OPRPN: variants seen among roughly 807,000 people sequenced by gnomAD.
The protein encoded by OPRPN is opiorphin prepropeptide.
OPRPN carries 1 observed loss-of-function variant against 2.2 expected under a neutral mutation model. The observed-to-expected ratio is 0.45, with a 90% confidence interval of 0.16 to 2.15. The LOEUF is 2.15. Ranked by LOEUF, OPRPN falls within the 30% of genes most tolerant of loss-of-function variation. OPRPN has a pLI of 0.28. For synonymous variants in OPRPN, 126 were observed against 111.5 expected (o/e 1.13, Z -0.82); for missense variants, 306 against 297.3 (o/e 1.03, Z -0.21).
chr4:70,401,131 A>G (rs1732976820), intron 2 of OPRPN, among the ~76,000 whole-genome samples: 1 of 152,078 alleles, frequency 6.6e-6, no homozygotes, highest in Non-Finnish European at 1.5e-5. Flanking sequence ...TGCAAGACAA[A>G]TGTAACTTAA....
At chr4:70,406,680 C>A (rs1189861328) in intron 2 of OPRPN, among the ~76,000 whole-genome samples, 1 of 152,074 alleles carries the variant, frequency 6.6e-6, no homozygotes, top group African/African-American at 2.4e-5. Context: ...GTTGAAAGAA[C>A]TAGTACTAGT....
intron 2 of OPRPN, among the ~76,000 whole-genome samples, chr4:70,405,005 G>T (rs1577883530): frequency 6.6e-6 from 1 of 152,138 alleles, no homozygotes; most frequent in Non-Finnish European, 1.5e-5. Context: ...TACCACTTAT[G>T]GAGTGTTTAA....
chr4:70,409,840 C>T lies in OPRPN; in HGVS notation c.512C>T (p.Pro171Leu), dbSNP rs1369112416. The change falls in exon 3 of 3, where the codon CCC becomes CTC. Residue 171 changes from proline (P) to leucine (L), a missense_variant. Coordinates refer to ENST00000399575, the MANE Select transcript of OPRPN (RefSeq NM_021225.5). Reference protein sequence around the residue: ...ATATTSTSTKPTMTISSSTVP... With the variant: ...ATATTSTSTKLTMTISSSTVP... ...GCAACCACCAGCACTTCCACAAAAC[C>T]CACAATGACGATCAGCTCCTCAACA... 2 of 1,612,636 alleles carry T rather than the reference C, an allele frequency of 1.2e-6. No homozygotes were observed. Among genetic ancestry groups the T allele is most frequent in the Non-Finnish European group, 1.7e-6 (2 of 1,179,252 alleles).
intron 2 of OPRPN, among the ~76,000 whole-genome samples, chr4:70,407,960 G>A (rs981054134): frequency 2.6e-5 from 4 of 152,004 alleles, no homozygotes; most frequent in Non-Finnish European, 5.9e-5. Flanking sequence ...TGGGTGTAGA[G>A]GGGAGCAAGA....
At chr4:70,408,859 T>C (rs1246436469) in intron 2 of OPRPN, among the ~76,000 whole-genome samples, 1 of 152,220 alleles carries the variant, frequency 6.6e-6, no homozygotes, top group African/African-American at 2.4e-5. Context: ...GGTTATATCT[T>C]CCACTGATTT....
chr4:70,398,347 G>T (rs572873252), intron 1 of OPRPN, among the ~76,000 whole-genome samples: 1 of 151,956 alleles, frequency 6.6e-6, no homozygotes, highest in South Asian at 2.1e-4. Flanking sequence ...TCTTAAAAAG[G>T]TATATTAAGT....
In OPRPN at chr4:70,399,335, C is replaced by T. The variant is rs767989847; in HGVS notation, c.50C>T (p.Thr17Ile). ...LGLLALISCF[T>I]PSESQRFSRR... ...CTGTTGGCTCTTATTTCATGTTTCA[C>T]AGTAAGTTCCCTCAATTCTAAATTT... Residue 17 changes from threonine (T) to isoleucine (I), a missense_variant and splice_region_variant, in exon 2 of 3, where the codon ACA becomes ATA. Physicochemically the swap from Thr to Ile is moderately conservative, Grantham distance 89 (BLOSUM62 -1). Coordinates refer to ENST00000399575, the MANE Select transcript of OPRPN (RefSeq NM_021225.5). The T allele has an allele frequency of 6.3e-7, 1 of 1,585,638 alleles. No homozygotes were observed. The highest frequency in any genetic ancestry group is 8.6e-7 in the Non-Finnish European group (1 of 1,156,428).
In OPRPN at chr4:70,409,152, TA is replaced by T. The variant is rs570914041; in HGVS notation, c.52-226del. On this transcript the variant is annotated intron_variant, in intron 2 of 2. Transcript: ENST00000399575. ...ACCACTTTTTTGGTTTTTTCTCATTTAATACTATTCTACTTTTCTTTGATTG... is the reference window on the plus strand; with the variant it reads ...ACCACTTTTTTGGTTTTTTCTCATTTATACTATTCTACTTTTCTTTGATTG... 4.5e-3 allele frequency among the ~76,000 whole-genome samples: 686 copies of T among 152,318 alleles called. 7 individuals are homozygous for T. Among genetic ancestry groups the T allele is most frequent in the African/African-American group, 0.016 (662 of 41,566 alleles).
chr4:70,405,377 C>T (rs1430138643), intron 2 of OPRPN, among the ~76,000 whole-genome samples: 1 of 152,114 alleles, frequency 6.6e-6, no homozygotes, highest in Non-Finnish European at 1.5e-5. Context: ...ATGATTTCTC[C>T]CCACCTCTGC....
intron 2 of OPRPN, among the ~76,000 whole-genome samples, chr4:70,405,337 A>G (rs532697777): frequency 6.6e-6 from 1 of 152,342 alleles, no homozygotes; most frequent in African/African-American, 2.4e-5. Flanking sequence ...ATCAGGGGTC[A>G]GCTATTTGCT....
chr4:70,405,387 C>CT (rs562305303), intron 2 of OPRPN, among the ~76,000 whole-genome samples: 125 of 152,284 alleles, frequency 8.2e-4, no homozygotes, highest in African/African-American at 2.8e-3. Flanking sequence ...CCCACCTCTG[C>CT]TTAGGGTCCA....
Position 70,399,332 on chromosome 4 carries a change from T to A in OPRPN, c.47T>A (p.Phe16Tyr). The change falls in exon 2 of 3, where the codon TTC becomes TAC. Residue 16 changes from phenylalanine to tyrosine, a missense_variant. By Grantham distance (22) the Phe-to-Tyr change is conservative (BLOSUM62 3). Transcript: ENST00000399575. ...GGCCTGTTGGCTCTTATTTCATGTTTCACAGTAAGTTCCCTCAATTCTAAA... is the reference window on the plus strand; with the variant it reads ...GGCCTGTTGGCTCTTATTTCATGTTACACAGTAAGTTCCCTCAATTCTAAA... ...FLGLLALISC[F>Y]TPSESQRFSR... 5 of 1,589,448 alleles carry A rather than the reference T, an allele frequency of 3.1e-6. No individual in the cohort carries two copies. The highest frequency in any genetic ancestry group is 3.4e-6 in the Non-Finnish European group (4 of 1,159,608).
intron 1 of OPRPN, among the ~76,000 whole-genome samples, chr4:70,398,396 T>C (rs755650643): frequency 9.2e-5 from 14 of 151,914 alleles, no homozygotes; most frequent in Non-Finnish European, 2.1e-4. Flanking sequence ...GAGTTAGGTT[T>C]CTTATGTATT....
In OPRPN at chr4:70,410,005, C is replaced by T; in HGVS notation, c.677C>T (p.Ser226Phe). ...AATGCCACTGTCCAAGTTACGACTT[C>T]CAACCAAACTATATTAAGCAGCCCA... ...LLNATVQVTT[S>F]NQTILSSPAF... Residue 226 changes from serine (S) to phenylalanine (F), a missense_variant, in exon 3 of 3, where the codon TCC (serine) becomes TTC (phenylalanine). Physicochemically the swap from Ser to Phe is radical, Grantham distance 155. Coordinates refer to ENST00000399575, the MANE Select transcript of OPRPN (RefSeq NM_021225.5). 6.2e-7 allele frequency: 1 copy of T among 1,611,724 alleles called. No individual in the cohort carries two copies. Among genetic ancestry groups the T allele is most frequent in the Non-Finnish European group, 8.5e-7 (1 of 1,179,282 alleles).
intron 2 of OPRPN, among the ~76,000 whole-genome samples, chr4:70,404,638 C>T (rs1225011719): frequency 4.6e-5 from 7 of 152,200 alleles, no homozygotes; most frequent in African/African-American, 9.7e-5. Context: ...ATTCTCCACA[C>T]AACAACCAGA....
chr4:70,401,516 G>C (rs1022334286), intron 2 of OPRPN, among the ~76,000 whole-genome samples: 1 of 151,926 alleles, frequency 6.6e-6, no homozygotes, highest in Admixed American at 6.6e-5. Context: ...ATGTACTCTG[G>C]AGCACAGTTT....
At chr4:70,402,347 G>C (rs1053511295) in intron 2 of OPRPN, among the ~76,000 whole-genome samples, 1 of 152,086 alleles carries the variant, frequency 6.6e-6, no homozygotes, top group African/African-American at 2.4e-5. Flanking sequence ...AACAGAGAAA[G>C]GCTGAGGACT....
intron 2 of OPRPN, among the ~76,000 whole-genome samples, chr4:70,406,912 A>T (rs546409489): frequency 6.6e-6 from 1 of 152,236 alleles, no homozygotes; most frequent in South Asian, 2.1e-4. Context: ...GTTCTCAATA[A>T]ATGTTTTCTT....
At chr4:70,399,562 G>T in intron 2 of OPRPN, 1 of 426,818 alleles carries the variant, frequency 2.3e-6, no homozygotes, top group Non-Finnish European at 4.3e-6. Flanking sequence ...AGAGGACACA[G>T]GGCAGGTAGT....
Sources: gnomAD v4.1 joint callset for allele counts (sites outside exome capture counted in the v4.1 genomes callset) on GRCh38, gnomAD v4.1.1 for gene constraint, MANE v1.5 for transcripts, NCBI Gene and HGNC (gene_info 2026-07-23, HGNC 2026-07-21) for gene names.